The following CFAP20 variants were observed in gnomAD, a reference collection of about 807,000 sequenced individuals.
CFAP20 encodes cilia and flagella associated protein 20, also known as cilia- and flagella-associated protein 20.
Under a neutral mutation model 25.5 loss-of-function variants are expected in CFAP20, and 14 were observed. The ratio of observed to expected loss-of-function variants is 0.55; its 90% confidence interval spans 0.36 to 0.86. The LOEUF (loss-of-function observed/expected upper bound fraction) is 0.86. Among genes scored for constraint, CFAP20 ranks in the 40% least tolerant of loss-of-function variants. CFAP20 has a pLI of 0.01. For missense variants in CFAP20, 181 were observed against 248.0 expected, an observed-to-expected ratio of 0.73 and a Z score of 1.81; for synonymous variants, 75 against 91.1, an observed-to-expected ratio of 0.82 and a Z score of 1.01.
intron 1 of CFAP20, among the ~76,000 whole-genome samples, chr16:58,127,617 T>C (rs977602042): frequency 1.3e-5 from 2 of 152,178 alleles, no homozygotes; most frequent in Non-Finnish European, 1.5e-5. Flanking sequence ...TACATGAAAC[T>C]AAAAACCTCA....
rs536685889 is a variant in CFAP20, at chr16:58,116,894, C to T, written c.142G>A (p.Glu48Lys). The change falls in exon 2 of 6, where the codon GAG becomes AAG. Residue 48 changes from glutamate (E) to lysine (K), a missense_variant. Coordinates refer to ENST00000262498, the MANE Select transcript of CFAP20 (RefSeq NM_013242.3). ...TDNDIQSLVL[E>K]IEGTNVSTTY... ...TACCTTACATTTGTCCCTTCAATCT[C>T]TAGCACCAGGGACTGGATGTCATTA... is the stretch of plus-strand genomic sequence containing the variant. The T allele has an allele frequency of 1.2e-6, 2 of 1,614,202 alleles. No individual in the cohort carries two copies. Among genetic ancestry groups the T allele is most frequent in the Non-Finnish European group, 1.7e-6 (2 of 1,180,026 alleles).
chr16:58,113,769 A>C lies in CFAP20; in HGVS notation c.*256T>G. On this transcript the variant is annotated 3_prime_UTR_variant, in exon 6 of 6. Coordinates refer to ENST00000262498, the MANE Select transcript of CFAP20 (RefSeq NM_013242.3). ...GTTCATGGTAAAGGTATCTCCCCCC[A>C]CACTGGGGCAGGCGGCGGAATAAGC... 1 of 500,680 alleles carries C rather than the reference A, an allele frequency of 2.0e-6. No individual in the cohort carries two copies. The highest frequency in any genetic ancestry group is 3.6e-6 in the Non-Finnish European group (1 of 277,030). The allele number at this position is 500,680 out of a possible 1,614,324, so 31.0% of individuals were successfully genotyped here. A position where few individuals can be genotyped will look rare whatever the true frequency, so the allele number is the denominator to read the frequency against.
At chr16:58,123,505 AGAATGGCGT>A (rs975106967) in intron 1 of CFAP20, among the ~76,000 whole-genome samples, 1 of 144,064 alleles carries the variant, frequency 6.9e-6, no homozygotes, top group African/African-American at 2.5e-5. Flanking sequence ...CTGAGGCAGG[AGAATGGCGT>A]GAACCCAGGT....
chr16:58,114,089 G>A, intron 5 of CFAP20, 59 bp from the exon 6 acceptor site: 2 of 1,565,474 alleles, frequency 1.3e-6, no homozygotes, highest in Non-Finnish European at 1.8e-6. Flanking sequence ...TAGATGGTCA[G>A]TGTCACAGGC....
At chr16:58,125,542 G>C (rs1960600468) in intron 1 of CFAP20, among the ~76,000 whole-genome samples, 2 of 152,168 alleles carry the variant, frequency 1.3e-5, no homozygotes, top group African/African-American at 2.4e-5. Context: ...AAATTAGTGA[G>C]GTGTGGTGGT....
rs1352786417 is a variant in CFAP20 at position 58,115,945 on chromosome 16, G to A, written c.276+96C>T. The A allele has an allele frequency of 4.8e-6, 4 of 830,652 alleles. No individual in the cohort carries two copies. The African/African-American group carries it at 6.8e-5, about 14-fold the overall frequency. 51.5% of individuals were successfully genotyped at this position (830,652 alleles called of 1,614,324 possible). ...AAGCAGAAAAGAATACATGCAAAAG[G>A]ATAAAGATACTTTGTAGGGTCACTT... On this transcript the variant is annotated intron_variant, in intron 3 of 5. Coordinates refer to ENST00000262498, the MANE Select transcript of CFAP20 (RefSeq NM_013242.3).
Position 58,113,965 on chromosome 16 carries a change from A to C in CFAP20, c.*60T>G. 6.4e-7 allele frequency: 1 copy of C among 1,557,300 alleles called. No individual in the cohort carries two copies. The highest frequency in any genetic ancestry group is 8.9e-7 in the Non-Finnish European group (1 of 1,128,556). ...TATGTTTTTGCATCGTCCTCCACAT[A>C]GTTTCCTTTTAAAAAGAAGAGTCAC... On this transcript the variant is annotated 3_prime_UTR_variant, in exon 6 of 6. Coordinates refer to ENST00000262498, the MANE Select transcript of CFAP20 (RefSeq NM_013242.3).
chr16:58,126,236 C>T (rs1960608480), intron 1 of CFAP20, among the ~76,000 whole-genome samples: 1 of 152,152 alleles, frequency 6.6e-6, no homozygotes, highest in Non-Finnish European at 1.5e-5. Flanking sequence ...AACTGCCAGC[C>T]ACAGGCACAC....
chr16:58,129,191 A>G lies in CFAP20; in HGVS notation c.-76T>C. 6.7e-7 allele frequency: 1 copy of G among 1,502,758 alleles called. No individual in the cohort carries two copies. The highest frequency in any genetic ancestry group is 9.1e-7 in the Non-Finnish European group (1 of 1,096,262). 93.1% of individuals were successfully genotyped at this position (1,502,758 alleles called of 1,614,324 possible). A position where few individuals can be genotyped will look rare whatever the true frequency, so the allele number is the denominator to read the frequency against. On this transcript the variant is annotated 5_prime_UTR_variant, in exon 1 of 6. Transcript: ENST00000262498. The stretch of plus-strand genomic sequence containing the variant: ...GAGTAGATACAGGCACCGAGCGTCG[A>G]GGGCACAGCAGCAGGCCGGCCCTGT...
intron 3 of CFAP20, 61 bp from the exon 4 acceptor site, chr16:58,115,518 GT>G (rs1018239860): frequency 6.4e-7 from 1 of 1,569,372 alleles, no homozygotes; most frequent in African/African-American, 1.4e-5. Context: ...ACACAACCTT[GT>G]CCAGACAAGG....
chr16:58,123,582 C>A (rs1177513201), intron 1 of CFAP20, among the ~76,000 whole-genome samples: 1 of 92,668 alleles, frequency 1.1e-5, no homozygotes, highest in Admixed American at 1.7e-4. Flanking sequence ...GGGGACAGAG[C>A]AAGACTCTGT....
intron 1 of CFAP20, among the ~76,000 whole-genome samples, chr16:58,122,581 C>CA (rs1043528676): frequency 1.4e-4 from 21 of 149,358 alleles, no homozygotes; most frequent in South Asian, 1.3e-3. Context: ...GACTCTGTTT[C>CA]AAAAAAAAAG....
Position 58,114,600 on chromosome 16 carries a change from C to T in CFAP20, c.576+210G>A, listed in dbSNP as rs966131682. 5.9e-5 allele frequency among the ~76,000 whole-genome samples: 9 copies of T among 152,056 alleles called. No individual in the cohort carries two copies. The South Asian group carries it at 6.2e-4, about 11-fold the overall frequency. On this transcript the variant is annotated intron_variant, in intron 5 of 5. Transcript: ENST00000262498. ...TAGGAAGTGCCTCATCCCCTCTCAC[C>T]GTGGAGAGGGGAAACAGCAGTAACA...
chr16:58,115,469 AGAG>A lies in CFAP20; in HGVS notation c.277-15_277-13del. On this transcript the variant is annotated splice_polypyrimidine_tract_variant and intron_variant, in intron 3 of 5. Transcript: ENST00000262498. Reference sequence around the variant, plus strand: ...TTGTCATCTAGTACCTGTGAAATACAGAGAAGAAGCATCACACTAGCTCTGTCT... The same window carrying A: ...TTGTCATCTAGTACCTGTGAAATACAAAGAAGCATCACACTAGCTCTGTCT... The A allele has an allele frequency of 6.2e-7, 1 of 1,613,568 alleles. No individual in the cohort carries two copies. The highest frequency in any genetic ancestry group is 8.5e-7 in the Non-Finnish European group (1 of 1,179,664).
chr16:58,113,890 G>A lies in CFAP20; in HGVS notation c.*135C>T. On this transcript the variant is annotated 3_prime_UTR_variant, in exon 6 of 6. Coordinates refer to ENST00000262498, the MANE Select transcript of CFAP20 (RefSeq NM_013242.3). ...GCATGTTCACCGGTGTCCATGACAA[G>A]CAACACCAAGTATAAATAACAGAAC... 1 of 1,046,024 alleles carries A rather than the reference G, an allele frequency of 9.6e-7. No individual in the cohort carries two copies. The highest frequency in any genetic ancestry group is 1.5e-6 in the Non-Finnish European group (1 of 680,282). The allele number at this position is 1,046,024 out of a possible 1,614,324, so 64.8% of individuals were successfully genotyped here.
chr16:58,123,739 A>G (rs536526225), intron 1 of CFAP20, among the ~76,000 whole-genome samples: 1 of 152,128 alleles, frequency 6.6e-6, no homozygotes, highest in East Asian at 1.9e-4. Flanking sequence ...GTCTTTTAAT[A>G]AATATAAGAT....
rs181230226 is a variant in CFAP20, at chr16:58,115,287, G to C, written c.447C>G (p.Ile149Met). ...GCAGTACCTGCACTCTGAGGGTCTC[G>C]ATGTAATTGGTGCCGTATGCTCGCC... ...FTRRAYGTNY[I>M]ETLRVQIHAN... The change falls in exon 4 of 6, where the codon ATC becomes ATG. Residue 149 changes from isoleucine (I) to methionine (M), a missense_variant. By Grantham distance (10) the Ile-to-Met change is conservative. Coordinates refer to ENST00000262498, the MANE Select transcript of CFAP20 (RefSeq NM_013242.3). 1.2e-6 allele frequency: 2 copies of C among 1,614,190 alleles called. No homozygotes were observed. The highest frequency in any genetic ancestry group is 1.7e-6 in the Non-Finnish European group (2 of 1,180,030).
rs1410252982 is a variant in CFAP20 at position 58,114,043 on chromosome 16, A to G, written c.577-13T>C. On this transcript the variant is annotated splice_polypyrimidine_tract_variant and intron_variant, in intron 5 of 5. Coordinates refer to ENST00000262498, the MANE Select transcript of CFAP20 (RefSeq NM_013242.3). ...ATTCCAGTTATTGCTGAAGGGAAAA[A>G]ACAGAGAAGTGGCATCAGTTTAAGT... 6.2e-7 allele frequency: 1 copy of G among 1,613,576 alleles called. No homozygotes were observed. Among genetic ancestry groups the G allele is most frequent in the Non-Finnish European group, 8.5e-7 (1 of 1,179,486 alleles).
Position 58,129,279 on chromosome 16 carries a change from A to C in CFAP20, c.-164T>G. 2 of 671,114 alleles carry C rather than the reference A, an allele frequency of 3.0e-6. No individual in the cohort carries two copies. Among genetic ancestry groups the C allele is most frequent in the Non-Finnish European group, 5.0e-6 (2 of 398,274 alleles). 41.6% of individuals were successfully genotyped at this position (671,114 alleles called of 1,614,324 possible). On this transcript the variant is annotated 5_prime_UTR_variant, in exon 1 of 6. Coordinates refer to ENST00000262498, the MANE Select transcript of CFAP20 (RefSeq NM_013242.3). ...TGCAGCCACTGATGGCCGGACTCGG[A>C]CGCGGCAACGCTAAGTCCGCGATCT...
Sources: allele counts gnomAD v4.1 joint callset (sites outside exome capture counted in the v4.1 genomes callset), GRCh38; gene constraint gnomAD v4.1.1; transcripts MANE v1.5; gene names NCBI Gene and HGNC (gene_info 2026-07-23, HGNC 2026-07-21).